The following FUT8 variants were observed in gnomAD, a reference collection of about 807,000 sequenced individuals.
FUT8 encodes alpha-(1,6)-fucosyltransferase.
A neutral mutation model predicts 71.3 loss-of-function variants in FUT8; 29 were observed. That is an observed-to-expected ratio of 0.41 (90% CI 0.30 to 0.55). The LOEUF (loss-of-function observed/expected upper bound fraction) is 0.55. FUT8 is among the 20% of genes least tolerant of loss of function. The pLI, the probability that FUT8 is intolerant of heterozygous loss-of-function variation, is 0.34. For synonymous variants in FUT8, 254 were observed against 239.3 expected (o/e 1.06, Z -0.57); for missense variants, 544 against 702.1 (o/e 0.77, Z 2.55).
chr14:65,713,823 G>T (rs1288080776), intron 7 of FUT8, among the ~76,000 whole-genome samples: 2 of 152,114 alleles, frequency 1.3e-5, no homozygotes, highest in South Asian at 2.1e-4. Flanking sequence ...CTCCCATTCT[G>T]CAGGTTGTCT....
At chr14:65,445,392 T>C (rs1191743604) in intron 1 of FUT8, among the ~76,000 whole-genome samples, 1 of 152,160 alleles carries the variant, frequency 6.6e-6, no homozygotes, top group African/African-American at 2.4e-5. Context: ...AACAAATTTC[T>C]GTTGTTTATA....
the FUT8 span, among the ~76,000 whole-genome samples, chr14:65,387,003 G>A: frequency 5.3e-5 from 8 of 151,684 alleles, no homozygotes; most frequent in Admixed American, 4.6e-4. Context: ...CATCACGCCC[G>A]GCTAATTTTT....
chr14:65,400,650 T>G, the FUT8 span, among the ~76,000 whole-genome samples: 1 of 151,620 alleles, frequency 6.6e-6, no homozygotes, highest in Admixed American at 6.6e-5. Context: ...CTTTGGGAGG[T>G]TTGGGAGGGA....
At chr14:65,551,168 A>G (rs17102760) in intron 2 of FUT8, among the ~76,000 whole-genome samples, 8,893 of 152,296 alleles carry the variant, frequency 0.058, 312 homozygotes, top group Admixed American at 0.11. Flanking sequence ...TATCTTCAGC[A>G]GATTGTCGCA....
rs1886670068 is a variant in FUT8, at chr14:65,574,873, G to T, written c.203+13107G>T. Among the ~76,000 whole-genome samples the T allele has an allele frequency of 6.6e-6, 1 of 152,128 alleles. No homozygotes were observed. The highest frequency in any genetic ancestry group is 1.5e-5 in the Non-Finnish European group (1 of 68,040). On this transcript the variant is annotated intron_variant, in intron 3 of 10. Coordinates refer to ENST00000673929, the MANE Select transcript of FUT8 (RefSeq NM_001371533.1). This position sits in a 1 kb window ranked among gnomAD's most constrained non-coding sequence, Gnocchi z 5.2. The stretch of plus-strand genomic sequence containing the variant: ...TCTGTGAAACATATCCTCTGAGGAG[G>T]AACCATAAGCATGGCTTGAAGGCAG...
Position 65,467,177 on chromosome 14 carries a change from C to T in FUT8, c.-228+11459C>T, listed in dbSNP as rs1469815700. Among the ~76,000 whole-genome samples, 1 of 152,118 alleles carries T rather than the reference C, an allele frequency of 6.6e-6. No individual in the cohort carries two copies. ...AAGTCATGTTTATTGGGTTTCATTTCTCCCAGTTTTTATTTCAGAAAGTCT... is the reference window on the plus strand; with the variant it reads ...AAGTCATGTTTATTGGGTTTCATTTTTCCCAGTTTTTATTTCAGAAAGTCT... On this transcript the variant is annotated intron_variant, in intron 2 of 10. Coordinates refer to ENST00000673929, the MANE Select transcript of FUT8 (RefSeq NM_001371533.1). This position sits in a 1 kb window ranked among gnomAD's most constrained non-coding sequence, Gnocchi z 4.1.
At chr14:65,371,733 A>C in the FUT8 span, among the ~76,000 whole-genome samples, 13 of 152,288 alleles carry the variant, frequency 8.5e-5, no homozygotes, top group African/African-American at 2.9e-4. Flanking sequence ...TTTCTGACAC[A>C]ACACATTTTC....
At chr14:65,697,383 G>A (rs1894046531) in intron 7 of FUT8, among the ~76,000 whole-genome samples, 1 of 152,156 alleles carries the variant, frequency 6.6e-6, no homozygotes, top group Non-Finnish European at 1.5e-5. Flanking sequence ...TTTGTGGGGA[G>A]GAGGAAGTGT....
intron 6 of FUT8, among the ~76,000 whole-genome samples, chr14:65,662,212 G>A (rs549559004): frequency 1.3e-5 from 2 of 152,160 alleles, no homozygotes; most frequent in African/African-American, 2.4e-5. Context: ...TCACAGGTTC[G>A]GATCAGCCTG....
chr14:65,422,806 C>T (rs1214766840), intron 1 of FUT8, among the ~76,000 whole-genome samples: 1 of 151,832 alleles, frequency 6.6e-6, no homozygotes, highest in Non-Finnish European at 1.5e-5. Context: ...TTATGCCTTC[C>T]CCCAGCTAAT....
Position 65,574,047 on chromosome 14 carries a change from G to T in FUT8, c.203+12281G>T, listed in dbSNP as rs1886629704. Among the ~76,000 whole-genome samples, 2 of 152,218 alleles carry T rather than the reference G, an allele frequency of 1.3e-5. No individual in the cohort carries two copies. Among genetic ancestry groups the T allele is most frequent in the East Asian group, 1.9e-4 (1 of 5,178 alleles). On this transcript the variant is annotated intron_variant, in intron 3 of 10. Transcript: ENST00000673929. This position sits in a 1 kb window ranked among gnomAD's most constrained non-coding sequence, Gnocchi z 5.2. ...GACTGGGTCTGCAGTTTATTTCAAG[G>T]CTCAATTAAAGAAGGATACAGTTCT... is the stretch of plus-strand genomic sequence containing the variant.
At chr14:65,714,772 T>C (rs1456303900) in intron 7 of FUT8, among the ~76,000 whole-genome samples, 1 of 152,180 alleles carries the variant, frequency 6.6e-6, no homozygotes, top group Non-Finnish European at 1.5e-5. Context: ...CAGTGTTTTA[T>C]AGTTTTCATT....
rs145137816 is a variant in FUT8 at position 65,444,983 on chromosome 14, A to G, written c.-325-10638A>G. Among the ~76,000 whole-genome samples the G allele has an allele frequency of 5.8e-3, 875 of 152,076 alleles. 34 individuals are homozygous for G. In the East Asian group the frequency reaches 0.093, roughly 16 times the overall value. On this transcript the variant is annotated intron_variant, in intron 1 of 10. Transcript: ENST00000673929. ...CACTTTGAGAGGCCGAGGCGGGTGG[A>G]TCATGAGGTCAGGAGTTCAAGATCA...
At chr14:65,395,053 T>G in the FUT8 span, among the ~76,000 whole-genome samples, 3 of 152,210 alleles carry the variant, frequency 2.0e-5, no homozygotes, top group Admixed American at 6.5e-5. Context: ...CAGTCAAACC[T>G]TAAGGCTTCA....
chr14:65,480,695 C>T (rs1167933216), intron 2 of FUT8, among the ~76,000 whole-genome samples: 1 of 151,422 alleles, frequency 6.6e-6, no homozygotes, highest in African/African-American at 2.4e-5. Context: ...TACTGTAATT[C>T]TATTTTTTTT....
At chr14:65,414,747 C>G (rs1291260795) in intron 1 of FUT8, among the ~76,000 whole-genome samples, 2 of 152,104 alleles carry the variant, frequency 1.3e-5, no homozygotes, top group African/African-American at 4.8e-5. Context: ...ATTGAGAATT[C>G]TATTTGAATT....
chr14:65,412,495 C>T (rs1396241159), upstream of FUT8: 2 of 368,588 alleles, frequency 5.4e-6, no homozygotes, highest in Admixed American at 3.5e-5. Context: ...GCGGCCTACG[C>T]CTGTGTGCGA....
intron 2 of FUT8, among the ~76,000 whole-genome samples, chr14:65,530,808 G>A (rs984022295): frequency 3.4e-5 from 5 of 146,454 alleles, no homozygotes; most frequent in African/African-American, 1.3e-4. Context: ...TCTCTCTCTC[G>A]CTCTTTCTCT....
At chr14:65,725,336 A>G (rs184221808) in intron 9 of FUT8, among the ~76,000 whole-genome samples, 6 of 152,344 alleles carry the variant, frequency 3.9e-5, no homozygotes, top group Admixed American at 1.3e-4. Context: ...GCAATAAACA[A>G]TTACCCTACA....
Sources: allele counts gnomAD v4.1 joint callset (sites outside exome capture counted in the v4.1 genomes callset), GRCh38; gene constraint gnomAD v4.1.1; non-coding constraint Gnocchi (gnomAD v3.1); transcripts MANE v1.5; gene names NCBI Gene and HGNC (gene_info 2026-07-23, HGNC 2026-07-21).